The following DIP2C variants were observed in gnomAD, a reference collection of about 807,000 sequenced individuals.
The protein encoded by DIP2C is DIP2 acetate--CoA ligase C (putative).
Under a neutral mutation model 192.4 loss-of-function variants are expected in DIP2C, and 33 were observed. The ratio of observed to expected loss-of-function variants is 0.17; its 90% CI spans 0.13 to 0.23. The LOEUF is 0.23. DIP2C is among the 10% of genes least tolerant of loss of function. DIP2C has a pLI of 1.00. For missense variants in DIP2C, 1,537 were observed against 2,110.1 expected, an observed-to-expected ratio of 0.73 and a Z score of 5.32; for synonymous variants, 979 against 864.1, an observed-to-expected ratio of 1.13 and a Z score of -2.33.
At chr10:657,949 C>T (rs1856489998) in intron 1 of DIP2C, among the ~76,000 whole-genome samples, 1 of 151,278 alleles carries the variant, frequency 6.6e-6, no homozygotes, top group Non-Finnish European at 1.5e-5. Context: ...GGACCTGCCC[C>T]TGGACCTGTC....
chr10:350,280 T>TC (rs1958727986), intron 24 of DIP2C, among the ~76,000 whole-genome samples: 1 of 152,112 alleles, frequency 6.6e-6, no homozygotes, highest in African/African-American at 2.4e-5. Context: ...AGAGATGGGG[T>TC]CTCCCTACAT....
intron 3 of DIP2C, among the ~76,000 whole-genome samples, chr10:441,672 C>T (rs865949744): frequency 2.0e-5 from 3 of 152,210 alleles, no homozygotes. Flanking sequence ...TTGCCTCCCA[C>T]CATGATTCTG....
chr10:303,545 CAG>C (rs1956159425), intron 32 of DIP2C, among the ~76,000 whole-genome samples: 1 of 150,404 alleles, frequency 6.6e-6, no homozygotes, highest in Non-Finnish European at 1.5e-5. Context: ...TTTTTTGAGA[CAG>C]AGTTTTGCTC....
intron 2 of DIP2C, among the ~76,000 whole-genome samples, chr10:479,964 A>G (rs531543251): frequency 7.1e-6 from 1 of 140,966 alleles, no homozygotes; most frequent in South Asian, 2.4e-4. Context: ...GCCCCGGTCC[A>G]TGCTCACTGG....
intron 1 of DIP2C, among the ~76,000 whole-genome samples, chr10:497,401 A>T (rs778917285): frequency 5.3e-5 from 8 of 152,164 alleles, no homozygotes; most frequent in Non-Finnish European, 1.2e-4. Context: ...CTCCCCTCCC[A>T]CACCCCTCAT....
intron 1 of DIP2C, among the ~76,000 whole-genome samples, chr10:621,592 C>A (rs1163416675): frequency 6.6e-6 from 1 of 152,142 alleles, no homozygotes; most frequent in Non-Finnish European, 1.5e-5. Context: ...AGGAAGGATG[C>A]GATGGGCACT....
At position 472,726 on chromosome 10, in the gene DIP2C, A is replaced by G. The variant is rs573908194; in HGVS notation, c.158-177T>C. On this transcript the variant is annotated intron_variant, in intron 2 of 36. Transcript: ENST00000280886. Reference sequence around the variant, plus strand: ...CCAGGACTGAGGAGGAAGCTCTCCCACCGCCAGGGAGACCCCTCCTGGCTA... The same window carrying G: ...CCAGGACTGAGGAGGAAGCTCTCCCGCCGCCAGGGAGACCCCTCCTGGCTA... Among the ~76,000 whole-genome samples, 3 of 152,188 alleles carry G rather than the reference A, an allele frequency of 2.0e-5. No individual in the cohort carries two copies. In the East Asian group the frequency reaches 5.8e-4, roughly 29 times the overall value.
chr10:370,786 G>A (rs1447707667), intron 17 of DIP2C, among the ~76,000 whole-genome samples: 2 of 152,152 alleles, frequency 1.3e-5, no homozygotes, highest in Admixed American at 6.5e-5. Flanking sequence ...TGGACTATAA[G>A]TTAGCTGTTT....
intron 1 of DIP2C, among the ~76,000 whole-genome samples, chr10:597,366 G>T (rs1298925947): frequency 6.6e-6 from 1 of 151,816 alleles, no homozygotes. Context: ...ACACCGGGCT[G>T]GCTCTGTCTC....
intron 34 of DIP2C, 76 bp from the exon 35 acceptor site, chr10:283,522 AATTCAGTACATTAT>A: frequency 6.6e-7 from 1 of 1,521,164 alleles, no homozygotes; most frequent in South Asian, 1.2e-5. Context: ...CTACTTTGAC[AATTCAGTACATTAT>A]ATTCAGTGAT....
chr10:367,751 G>C (rs1960447871), intron 18 of DIP2C, among the ~76,000 whole-genome samples: 1 of 152,232 alleles, frequency 6.6e-6, no homozygotes, highest in African/African-American at 2.4e-5. Context: ...GCTGCCTTGA[G>C]AACACCGCGG....
intron 1 of DIP2C, among the ~76,000 whole-genome samples, chr10:686,168 T>C (rs1050615843): frequency 6.6e-6 from 1 of 152,056 alleles, no homozygotes; most frequent in South Asian, 2.1e-4. Flanking sequence ...GAAAGGAGTA[T>C]GAGAAAGCAG....
At chr10:661,410 G>C (rs775691486) in intron 1 of DIP2C, among the ~76,000 whole-genome samples, 5 of 152,112 alleles carry the variant, frequency 3.3e-5, no homozygotes, top group Non-Finnish European at 5.9e-5. Flanking sequence ...TCCAGGCCTC[G>C]AAGGACCATC....
At chr10:637,210 C>T (rs992762230) in intron 1 of DIP2C, among the ~76,000 whole-genome samples, 4 of 152,346 alleles carry the variant, frequency 2.6e-5, no homozygotes, top group African/African-American at 7.2e-5. Context: ...GCTGTAACAA[C>T]ACACCATAGG....
chr10:390,604 C>T (rs968690654), intron 11 of DIP2C, 136 bp downstream of exon 11: 10 of 1,418,600 alleles, frequency 7.0e-6, no homozygotes, highest in South Asian at 2.7e-5. Context: ...GGGACGAGAA[C>T]GCGTGAAAAC....
intron 14 of DIP2C, among the ~76,000 whole-genome samples, chr10:386,206 G>C (rs996261340): frequency 1.3e-5 from 2 of 152,210 alleles, no homozygotes; most frequent in South Asian, 2.1e-4. Flanking sequence ...CCTGATCATT[G>C]AATCACATGC....
chr10:531,876 C>A (rs979482922), intron 1 of DIP2C, among the ~76,000 whole-genome samples: 1 of 152,210 alleles, frequency 6.6e-6, no homozygotes, highest in Non-Finnish European at 1.5e-5. Flanking sequence ...GCGGCAGCTT[C>A]CAGCTCCAGC....
At chr10:569,674 A>G (rs1849663763) in intron 1 of DIP2C, among the ~76,000 whole-genome samples, 1 of 152,152 alleles carries the variant, frequency 6.6e-6, no homozygotes, top group Non-Finnish European at 1.5e-5. Context: ...TACTGCTGCA[A>G]AATAAAATGG....
intron 3 of DIP2C, among the ~76,000 whole-genome samples, chr10:456,190 G>A (rs1370998472): frequency 9.8e-5 from 12 of 122,012 alleles, no homozygotes; most frequent in Admixed American, 1.6e-4. Context: ...ACTGTGAGGA[G>A]TAAATGAGAT....
Sources: allele counts gnomAD v4.1 joint callset (sites outside exome capture counted in the v4.1 genomes callset), GRCh38; gene constraint gnomAD v4.1.1; transcripts MANE v1.5; gene names NCBI Gene and HGNC (gene_info 2026-07-23, HGNC 2026-07-21).